Variants in DCC observed in about 807,000 individuals in gnomAD.
DCC encodes netrin receptor DCC.
DCC carries 58 observed loss-of-function variants against 172.5 expected under a neutral mutation model. That is an observed-to-expected ratio of 0.34 (90% CI 0.27 to 0.42). DCC has a LOEUF of 0.42. Ranked by LOEUF, DCC falls within the 10% of genes least tolerant of loss-of-function variation. The pLI is 1.00. For synonymous variants in DCC, 709 were observed against 644.5 expected, an observed-to-expected ratio of 1.10 and a Z score of -1.52; for missense variants, 1,740 against 1,791.0, an observed-to-expected ratio of 0.97 and a Z score of 0.51.
At chr18:53,163,724 A>C (rs888525500) in intron 8 of DCC, among the ~76,000 whole-genome samples, 5 of 152,192 alleles carry the variant, frequency 3.3e-5, no homozygotes, top group Non-Finnish European at 5.9e-5. Flanking sequence ...TTCACAGTGA[A>C]GTAATTGCCT....
intron 1 of DCC, among the ~76,000 whole-genome samples, chr18:52,725,340 G>T (rs1006551133): frequency 1.3e-5 from 2 of 152,190 alleles, no homozygotes; most frequent in Non-Finnish European, 2.9e-5. Context: ...TGTCTTTTCA[G>T]AATGGAAAAA....
chr18:52,659,784 T>C (rs2035322294), intron 1 of DCC, among the ~76,000 whole-genome samples: 1 of 152,068 alleles, frequency 6.6e-6, no homozygotes, highest in Non-Finnish European at 1.5e-5. Flanking sequence ...TAAAGTGGGA[T>C]GGGAGGTGAT....
chr18:52,748,285 C>CA (rs2145126099), intron 1 of DCC, among the ~76,000 whole-genome samples: 1 of 152,316 alleles, frequency 6.6e-6, no homozygotes, highest in South Asian at 2.1e-4. Flanking sequence ...AACACGGTGA[C>CA]ACCCAAAAAA....
intron 1 of DCC, among the ~76,000 whole-genome samples, chr18:52,699,734 A>G (rs1253679018): frequency 6.6e-6 from 1 of 152,212 alleles, no homozygotes; most frequent in Admixed American, 6.5e-5. Context: ...ACTTTGTATC[A>G]TAGTTCTATT....
At chr18:53,075,910 A>G (rs2042719344) in intron 7 of DCC, among the ~76,000 whole-genome samples, 1 of 152,052 alleles carries the variant, frequency 6.6e-6, no homozygotes, top group African/African-American at 2.4e-5. Context: ...CCCGCTGTAA[A>G]TTCCTCTTAC....
intron 1 of DCC, among the ~76,000 whole-genome samples, chr18:52,749,303 C>A (rs192231978): frequency 6.6e-6 from 1 of 152,304 alleles, no homozygotes; most frequent in Admixed American, 6.5e-5. Context: ...GAACCAGCAG[C>A]CCAGTTTTCA....
At chr18:52,529,069 A>G (rs2032068558) in intron 1 of DCC, among the ~76,000 whole-genome samples, 1 of 152,156 alleles carries the variant, frequency 6.6e-6, no homozygotes, top group African/African-American at 2.4e-5. Flanking sequence ...TGACTGTGAC[A>G]ATTAGACGTA....
At chr18:52,536,223 G>A (rs1349741768) in intron 1 of DCC, among the ~76,000 whole-genome samples, 2 of 152,120 alleles carry the variant, frequency 1.3e-5, no homozygotes, top group Non-Finnish European at 2.9e-5. Context: ...ATTGTAAAAG[G>A]TCTCATATAC....
intron 1 of DCC, among the ~76,000 whole-genome samples, chr18:52,549,313 C>T (rs2032699013): frequency 6.6e-6 from 1 of 152,036 alleles, no homozygotes. Context: ...AGCTTTGATA[C>T]ATTCCATCTA....
chr18:52,466,042 A>T (rs1377403645), intron 1 of DCC, among the ~76,000 whole-genome samples: 1 of 152,192 alleles, frequency 6.6e-6, no homozygotes, highest in African/African-American at 2.4e-5. Context: ...AAATTGCATT[A>T]CCAGAATGGA....
intron 1 of DCC, among the ~76,000 whole-genome samples, chr18:52,383,603 A>G (rs77085391): frequency 6.6e-6 from 1 of 151,822 alleles, no homozygotes; most frequent in East Asian, 1.9e-4. Context: ...TCTTCTTTTT[A>G]TTTATGTCAT....
intron 1 of DCC, among the ~76,000 whole-genome samples, chr18:52,440,482 G>C (rs1468923809): frequency 1.3e-5 from 2 of 152,174 alleles, no homozygotes; most frequent in African/African-American, 4.8e-5. Context: ...GTGAATTATA[G>C]GGATGACATT....
intron 27 of DCC, among the ~76,000 whole-genome samples, chr18:53,512,344 A>C (rs1200207009): frequency 1.3e-5 from 2 of 150,328 alleles, no homozygotes; most frequent in Non-Finnish European, 3.0e-5. Flanking sequence ...AAGTAGATAA[A>C]ACCACAAAGA....
intron 12 of DCC, among the ~76,000 whole-genome samples, chr18:53,227,094 G>A (rs1598924748): frequency 6.6e-6 from 1 of 150,398 alleles, no homozygotes; most frequent in Non-Finnish European, 1.5e-5. Flanking sequence ...GAATACAGGT[G>A]AGTGCCACCA....
At chr18:53,213,647 CAAAAAAAAAAAAAA>C (rs34284373) in intron 11 of DCC, among the ~76,000 whole-genome samples, 3 of 35,350 alleles carry the variant, frequency 8.5e-5, no homozygotes, top group African/African-American at 1.2e-4. Context: ...GACTCCGTCT[CAAAAAAAAAAAAAA>C]AAAAAAAAAA....
intron 1 of DCC, among the ~76,000 whole-genome samples, chr18:52,654,419 C>T (rs2035204823): frequency 6.6e-6 from 1 of 152,150 alleles, no homozygotes; most frequent in African/African-American, 2.4e-5. Context: ...TATAACAATA[C>T]CACAGATTGG....
chr18:52,773,697 G>A (rs10163535), intron 2 of DCC, among the ~76,000 whole-genome samples: 14,672 of 152,018 alleles, frequency 0.097, 899 homozygotes, highest in Middle Eastern at 0.2. Flanking sequence ...TGGCTAATTT[G>A]TTTGTATTTT....
At chr18:52,535,714 T>G (rs2032269385) in intron 1 of DCC, among the ~76,000 whole-genome samples, 1 of 152,232 alleles carries the variant, frequency 6.6e-6, no homozygotes, top group Non-Finnish European at 1.5e-5. Context: ...AAAGCCATTC[T>G]ATTTGAAATA....
At chr18:53,134,593 C>T (rs1309398640) in intron 7 of DCC, among the ~76,000 whole-genome samples, 1 of 152,108 alleles carries the variant, frequency 6.6e-6, no homozygotes, top group South Asian at 2.1e-4. Context: ...ATAGCTTTTA[C>T]CTAGCCAGTT....
Sources: allele counts gnomAD v4.1 joint callset (sites outside exome capture counted in the v4.1 genomes callset), GRCh38; gene constraint gnomAD v4.1.1; transcripts MANE v1.5; gene names NCBI Gene and HGNC (gene_info 2026-07-23, HGNC 2026-07-21).